Variants in DLGAP2 observed in about 807,000 individuals in gnomAD.
DLGAP2 encodes the protein DLG associated protein 2, also known as disks large-associated protein 2.
A neutral mutation model predicts 100.3 loss-of-function variants in DLGAP2; 26 were observed. The observed-to-expected ratio is 0.26, with a 90% CI of 0.19 to 0.36. The LOEUF is 0.36. Among genes scored for constraint, DLGAP2 ranks in the 10% least tolerant of loss-of-function variants. DLGAP2 has a pLI of 1.00. For missense variants in DLGAP2, 1,858 were observed against 1,453.2 expected, an observed-to-expected ratio of 1.28 and a Z score of -4.53; for synonymous variants, 886 against 630.1, an observed-to-expected ratio of 1.41 and a Z score of -6.08.
chr8:1,209,697 A>ATGAGTAATTT (rs973762683), intron 2 of DLGAP2, among the ~76,000 whole-genome samples: 2 of 152,202 alleles, frequency 1.3e-5, no homozygotes, highest in African/African-American at 4.8e-5. Flanking sequence ...CGTGTTATTA[A>ATGAGTAATTT]TGAGTAATTT....
intron 4 of DLGAP2, among the ~76,000 whole-genome samples, chr8:1,533,203 A>C (rs1050301314): frequency 1.3e-5 from 2 of 151,892 alleles, no homozygotes; most frequent in Middle Eastern, 3.4e-3. Flanking sequence ...TTTGATTTTT[A>C]GAATATGTTT....
intron 6 of DLGAP2, among the ~76,000 whole-genome samples, chr8:1,623,407 C>T (rs1473458582): frequency 6.6e-6 from 1 of 151,412 alleles, no homozygotes; most frequent in Non-Finnish European, 1.5e-5. Flanking sequence ...TGTGTGATGA[C>T]CTGGCACCAG....
chr8:1,617,593 T>G (rs1342212892), intron 6 of DLGAP2, among the ~76,000 whole-genome samples: 1 of 152,220 alleles, frequency 6.6e-6, no homozygotes, highest in Non-Finnish European at 1.5e-5. Flanking sequence ...TTTAAGTTCC[T>G]TATAGATGCT....
intron 3 of DLGAP2, among the ~76,000 whole-genome samples, chr8:1,365,785 G>C (rs533858360): frequency 6.6e-6 from 1 of 152,222 alleles, no homozygotes; most frequent in African/African-American, 2.4e-5. Context: ...GAGAAGGCAC[G>C]TGGGGGACCA....
chr8:1,053,855 G>C (rs1802794168), intron 2 of DLGAP2, among the ~76,000 whole-genome samples: 1 of 152,104 alleles, frequency 6.6e-6, no homozygotes, highest in African/African-American at 2.4e-5. Context: ...GGATTCCTGT[G>C]CTAGTTATGG....
chr8:1,294,803 A>G (rs990878017), intron 3 of DLGAP2, among the ~76,000 whole-genome samples: 4 of 151,350 alleles, frequency 2.6e-5, no homozygotes, highest in African/African-American at 4.8e-5. Flanking sequence ...TCGGAGGTGC[A>G]GGTTGCAGTG....
intron 3 of DLGAP2, among the ~76,000 whole-genome samples, chr8:1,319,822 A>C (rs1312261820): frequency 6.6e-6 from 1 of 152,198 alleles, no homozygotes; most frequent in South Asian, 2.1e-4. Flanking sequence ...ATCACATGCC[A>C]GACAATGGCA....
At chr8:1,414,022 G>A (rs146078770) in intron 3 of DLGAP2, among the ~76,000 whole-genome samples, 7 of 152,314 alleles carry the variant, frequency 4.6e-5, no homozygotes, top group East Asian at 1.9e-4. Flanking sequence ...TCAGGGCACC[G>A]TGTGGACACT....
intron 4 of DLGAP2, among the ~76,000 whole-genome samples, chr8:1,537,565 A>G (rs959794205): frequency 3.3e-5 from 5 of 152,124 alleles, no homozygotes; most frequent in African/African-American, 9.7e-5. Flanking sequence ...CTTTTCTGCT[A>G]TTAGACTTTG....
intron 2 of DLGAP2, among the ~76,000 whole-genome samples, chr8:1,184,759 A>G (rs1309893043): frequency 6.6e-6 from 1 of 152,144 alleles, no homozygotes; most frequent in Admixed American, 6.5e-5. Context: ...GGAGGCAAGC[A>G]TGCTGGTGAC....
intron 3 of DLGAP2, among the ~76,000 whole-genome samples, chr8:1,458,145 A>G (rs1193314258): frequency 6.6e-6 from 1 of 151,232 alleles, no homozygotes; most frequent in Admixed American, 6.6e-5. Context: ...TGACCTCGTG[A>G]TCCACCCGCC....
intron 1 of DLGAP2, among the ~76,000 whole-genome samples, chr8:804,480 C>G (rs370347227): frequency 1.6e-4 from 25 of 152,194 alleles, no homozygotes; most frequent in African/African-American, 5.1e-4. Flanking sequence ...ATTCTCCGGC[C>G]TTGTTGCTGT....
intron 3 of DLGAP2, among the ~76,000 whole-genome samples, chr8:1,432,476 T>C (rs1797480437): frequency 6.6e-6 from 1 of 152,208 alleles, no homozygotes; most frequent in Admixed American, 6.5e-5. Flanking sequence ...TAAAGATTCA[T>C]GGGGCATATT....
At chr8:842,487 T>C (rs912302166) in intron 1 of DLGAP2, among the ~76,000 whole-genome samples, 1 of 152,238 alleles carries the variant, frequency 6.6e-6, no homozygotes, top group African/African-American at 2.4e-5. Flanking sequence ...GGACTTTTAC[T>C]CTCTTTATTG....
intron 2 of DLGAP2, among the ~76,000 whole-genome samples, chr8:1,168,566 C>T (rs74870415): frequency 0.74 from 104,240 of 141,644 alleles, 39,885 homozygotes; most frequent in Non-Finnish European, 0.83. Context: ...TTTTAATGAT[C>T]GCCATTCTAA....
intron 3 of DLGAP2, among the ~76,000 whole-genome samples, chr8:1,482,146 A>G (rs1398902095): frequency 6.6e-6 from 1 of 152,250 alleles, no homozygotes; most frequent in Admixed American, 6.5e-5. Flanking sequence ...ACGGTCTGGG[A>G]GGAATCACAC....
intron 2 of DLGAP2, among the ~76,000 whole-genome samples, chr8:1,165,297 C>G (rs11785992): frequency 0.78 from 117,439 of 150,638 alleles, 46,797 homozygotes; most frequent in Non-Finnish European, 0.86. Flanking sequence ...GGGAGAGAGA[C>G]AGGGAGAGAG....
chr8:1,028,841 C>G (rs1299400016), intron 2 of DLGAP2, among the ~76,000 whole-genome samples: 1 of 152,182 alleles, frequency 6.6e-6, no homozygotes, highest in African/African-American at 2.4e-5. Context: ...CAGGCTGCAG[C>G]ATGGAGATGG....
At chr8:1,259,543 G>C (rs1370070331) in intron 3 of DLGAP2, 2 of 152,226 alleles carry the variant, frequency 1.3e-5, no homozygotes, top group Non-Finnish European at 2.9e-5. Context: ...CTTTGATTTC[G>C]AGGTCTGCTT....
Sources: allele counts gnomAD v4.1 joint callset (sites outside exome capture counted in the v4.1 genomes callset), GRCh38; gene constraint gnomAD v4.1.1; transcripts MANE v1.5; gene names NCBI Gene and HGNC (gene_info 2026-07-23, HGNC 2026-07-21).